Variants in ERLIN1 observed in about 807,000 individuals in gnomAD.
ERLIN1 encodes the protein ER lipid raft associated 1.
Under a neutral mutation model 46.9 loss-of-function variants are expected in ERLIN1, and 24 were observed. The ratio of observed to expected loss-of-function variants is 0.51; its 90% CI spans 0.37 to 0.72. The LOEUF is 0.72. Among genes scored for constraint, ERLIN1 ranks in the 30% least tolerant of loss-of-function variants. ERLIN1 has a pLI of 0.00. For missense variants in ERLIN1, 293 were observed against 417.9 expected, an observed-to-expected ratio of 0.70 and a Z score of 2.61; for synonymous variants, 158 against 143.2, an observed-to-expected ratio of 1.10 and a Z score of -0.74.
At chr10:100,160,933 C>T (rs139646307) in intron 8 of ERLIN1, among the ~76,000 whole-genome samples, 98 of 152,220 alleles carry the variant, frequency 6.4e-4, no homozygotes, top group African/African-American at 1.5e-3. Flanking sequence ...GGTGGCAAAG[C>T]GAGACCCTGT....
intron 5 of ERLIN1, among the ~76,000 whole-genome samples, chr10:100,175,424 C>T (rs1455924612): frequency 1.3e-5 from 2 of 152,192 alleles, no homozygotes; most frequent in African/African-American, 4.8e-5. Context: ...ATGAGCTTCC[C>T]TAGTAGACAA....
At chr10:100,180,110 G>A (rs1844551263) in intron 2 of ERLIN1, among the ~76,000 whole-genome samples, 1 of 152,182 alleles carries the variant, frequency 6.6e-6, no homozygotes, top group African/African-American at 2.4e-5. Context: ...TTTAATAGAA[G>A]TGCTACCACC....
intron 4 of ERLIN1, 121 bp downstream of exon 4, chr10:100,178,012 A>G (rs1343698478): frequency 2.4e-5 from 16 of 680,108 alleles, no homozygotes; most frequent in Admixed American, 5.6e-5. Flanking sequence ...CCAGAAATTT[A>G]TTAATCAGTG....
chr10:100,159,734 A>C (rs1258957039), intron 8 of ERLIN1, among the ~76,000 whole-genome samples: 1 of 152,098 alleles, frequency 6.6e-6, no homozygotes, highest in Non-Finnish European at 1.5e-5. Flanking sequence ...CCAATATACA[A>C]AGTACATTTC....
At chr10:100,162,880 T>C (rs968779879) in intron 8 of ERLIN1, among the ~76,000 whole-genome samples, 2 of 152,162 alleles carry the variant, frequency 1.3e-5, no homozygotes, top group Admixed American at 6.5e-5. Flanking sequence ...CACTGAGTAA[T>C]GCTACTCTAT....
At chr10:100,167,534 A>C in intron 6 of ERLIN1, 128 bp from the exon 7 acceptor site, 1 of 688,098 alleles carries the variant, frequency 1.5e-6, no homozygotes, top group Non-Finnish European at 2.5e-6. Context: ...CGGCCTACTA[A>C]CACGTTTGGG....
intron 9 of ERLIN1, among the ~76,000 whole-genome samples, chr10:100,155,240 T>G (rs186420183): frequency 1.2e-4 from 18 of 152,246 alleles, no homozygotes; most frequent in Admixed American, 4.6e-4. Context: ...GGTACTAAGC[T>G]TCAAGTAAAA....
chr10:100,155,756 C>A (rs577862402), intron 9 of ERLIN1, among the ~76,000 whole-genome samples: 2 of 152,142 alleles, frequency 1.3e-5, no homozygotes, highest in Admixed American at 6.5e-5. Context: ...CCTTGTGATC[C>A]GCCCGCCTCG....
At chr10:100,158,147 A>G (rs1843171189) in intron 8 of ERLIN1, among the ~76,000 whole-genome samples, 1 of 152,210 alleles carries the variant, frequency 6.6e-6, no homozygotes, top group African/African-American at 2.4e-5. Flanking sequence ...ATTAGGACTA[A>G]GACCCTTGCA....
At chr10:100,182,283 G>A (rs1055515699) in intron 2 of ERLIN1, among the ~76,000 whole-genome samples, 4 of 150,708 alleles carry the variant, frequency 2.7e-5, no homozygotes, top group African/African-American at 9.8e-5. Context: ...ACCTGCTTCA[G>A]CCTCCCAAAG....
At chr10:100,156,920 C>A (rs1392411323) in intron 8 of ERLIN1, among the ~76,000 whole-genome samples, 4 of 152,116 alleles carry the variant, frequency 2.6e-5, no homozygotes, top group Non-Finnish European at 5.9e-5. Context: ...GAGGCTGAGG[C>A]AAGAGGATCT....
At chr10:100,174,576 C>T (rs1189570174) in intron 5 of ERLIN1, among the ~76,000 whole-genome samples, 1 of 152,194 alleles carries the variant, frequency 6.6e-6, no homozygotes, top group Admixed American at 6.5e-5. Context: ...ACTTATTAGA[C>T]TTATTTACTG....
At chr10:100,174,677 A>G (rs1307164744) in intron 5 of ERLIN1, among the ~76,000 whole-genome samples, 1 of 152,218 alleles carries the variant, frequency 6.6e-6, no homozygotes, top group East Asian at 1.9e-4. Context: ...CTCAATATGT[A>G]TCCTCATTCT....
At position 100,151,028 on chromosome 10, in the gene ERLIN1, G is replaced by A. The variant is rs1246433550; in HGVS notation, c.*1103C>T. The stretch of plus-strand genomic sequence containing the variant: ...AATGATGACCAAGGATGCTTTCTAG[G>A]TGACTTTTTGTTCCACACTATGTGG... On this transcript the variant is annotated 3_prime_UTR_variant, in exon 11 of 11. Coordinates refer to ENST00000421367, the MANE Select transcript of ERLIN1 (RefSeq NM_006459.4). The A allele has an allele frequency of 6.6e-6, 1 of 152,500 alleles. No individual in the cohort carries two copies. Among genetic ancestry groups the A allele is most frequent in the African/African-American group, 2.4e-5 (1 of 41,420 alleles). 9.4% of individuals were successfully genotyped at this position (152,500 alleles called of 1,614,324 possible).
intron 4 of ERLIN1, among the ~76,000 whole-genome samples, chr10:100,177,017 G>A (rs1188609917): frequency 2.0e-5 from 3 of 152,124 alleles, no homozygotes; most frequent in African/African-American, 2.4e-5. Context: ...AGCTACTAGG[G>A]AGGCTGAGGC....
chr10:100,182,858 G>A (rs897655382), intron 2 of ERLIN1, among the ~76,000 whole-genome samples: 1 of 152,140 alleles, frequency 6.6e-6, no homozygotes, highest in Non-Finnish European at 1.5e-5. Flanking sequence ...AGGAAAGAAT[G>A]GGTAAAATAA....
In ERLIN1 at chr10:100,178,122, G is replaced by A. The variant is rs1425030581; in HGVS notation, c.304+11C>T. 1.3e-6 allele frequency: 2 copies of A among 1,541,824 alleles called. No homozygotes were observed. The highest frequency in any genetic ancestry group is 1.4e-5 in the African/African-American group (1 of 73,344). ...ATAACTATAAAAACCACAGGTAGAT[G>A]GGTAACATACCTGCATAAGGAGCCA... On this transcript the variant is annotated intron_variant, in intron 4 of 10. Coordinates refer to ENST00000421367, the MANE Select transcript of ERLIN1 (RefSeq NM_006459.4).
intron 1 of ERLIN1, 95 bp from the exon 2 acceptor site, chr10:100,183,932 C>A: frequency 1.2e-6 from 1 of 830,908 alleles, no homozygotes; most frequent in South Asian, 1.6e-5. Context: ...CTTGCTCATG[C>A]TGCTGACCTA....
rs1481640280 is a variant in ERLIN1, at chr10:100,164,111, T to G, written c.564-16A>C. ...CTCAGCCTCCCTGTGAAGCAAAATG[T>G]TATAAAAATTAGAAATGATTCTCCT... On this transcript the variant is annotated splice_polypyrimidine_tract_variant and intron_variant, in intron 7 of 10. Coordinates refer to ENST00000421367, the MANE Select transcript of ERLIN1 (RefSeq NM_006459.4). The G allele has an allele frequency of 6.4e-7, 1 of 1,556,228 alleles. No homozygotes were observed. The highest frequency in any genetic ancestry group is 1.4e-5 in the African/African-American group (1 of 73,862).
Sources: gnomAD v4.1 joint callset for allele counts (sites outside exome capture counted in the v4.1 genomes callset) on GRCh38, gnomAD v4.1.1 for gene constraint, MANE v1.5 for transcripts, NCBI Gene and HGNC (gene_info 2026-07-23, HGNC 2026-07-21) for gene names.